SPOCK3: variants seen among roughly 807,000 people sequenced by gnomAD.
SPOCK3 encodes the protein SPARC (osteonectin), cwcv and kazal like domains proteoglycan 3.
Under a neutral mutation model 56.6 loss-of-function variants are expected in SPOCK3, and 30 were observed. The observed-to-expected ratio is 0.53, with a 90% confidence interval of 0.40 to 0.72. The LOEUF is 0.72. Ranked by LOEUF, SPOCK3 falls within the 30% of genes least tolerant of loss-of-function variation. SPOCK3 has a pLI of 0.00. For missense variants in SPOCK3, 527 were observed against 530.0 expected (o/e 0.99, Z 0.06); for synonymous variants, 196 against 183.3 (o/e 1.07, Z -0.56).
intron 4 of SPOCK3, among the ~76,000 whole-genome samples, chr4:166,934,919 G>GAA (rs111742345): frequency 1.6e-4 from 24 of 146,990 alleles, no homozygotes; most frequent in African/African-American, 3.7e-4. Context: ...TTTGAGAAAA[G>GAA]AAAAAAAAAA....
chr4:167,087,635 A>G (rs1758319416), intron 2 of SPOCK3, among the ~76,000 whole-genome samples: 1 of 152,140 alleles, frequency 6.6e-6, no homozygotes, highest in Non-Finnish European at 1.5e-5. Flanking sequence ...GATGGTGAGT[A>G]CATGCTATCT....
intron 2 of SPOCK3, among the ~76,000 whole-genome samples, chr4:167,204,466 C>T (rs1733832432): frequency 1.3e-5 from 2 of 152,044 alleles, no homozygotes; most frequent in South Asian, 4.1e-4. Flanking sequence ...AGAATGAGTG[C>T]CACCAGGGGA....
At chr4:167,089,211 T>C (rs1355241823) in intron 2 of SPOCK3, among the ~76,000 whole-genome samples, 15 of 152,052 alleles carry the variant, frequency 9.9e-5, no homozygotes, top group Admixed American at 8.5e-4. Flanking sequence ...AATACAACTG[T>C]TAATAAAAAA....
intron 6 of SPOCK3, among the ~76,000 whole-genome samples, chr4:166,839,439 C>A (rs987919724): frequency 6.6e-6 from 1 of 152,068 alleles, no homozygotes; most frequent in African/African-American, 2.4e-5. Context: ...TCCTCTTATA[C>A]CACTCTGTTT....
chr4:167,139,539 T>C (rs1763368937), intron 2 of SPOCK3, among the ~76,000 whole-genome samples: 1 of 151,980 alleles, frequency 6.6e-6, no homozygotes, highest in Non-Finnish European at 1.5e-5. Flanking sequence ...TAATAATTAA[T>C]AGTCAATTTC....
chr4:167,065,685 CA>C (rs907454738), intron 2 of SPOCK3, among the ~76,000 whole-genome samples: 1 of 151,138 alleles, frequency 6.6e-6, no homozygotes, highest in Non-Finnish European at 1.5e-5. Context: ...AACAAACAAA[CA>C]AAAAAACAAA....
At chr4:166,863,948 A>T (rs1356436780) in intron 6 of SPOCK3, among the ~76,000 whole-genome samples, 1 of 152,154 alleles carries the variant, frequency 6.6e-6, no homozygotes, top group Non-Finnish European at 1.5e-5. Context: ...ATAGATATCT[A>T]CAGAACTCTC....
At chr4:166,840,882 C>T (rs1391867617) in intron 6 of SPOCK3, among the ~76,000 whole-genome samples, 3 of 146,928 alleles carry the variant, frequency 2.0e-5, no homozygotes, top group Middle Eastern at 3.6e-3. Flanking sequence ...GGGTTCATGC[C>T]ATTCTCCTAC....
At chr4:166,971,734 C>T (rs1346376) in intron 4 of SPOCK3, among the ~76,000 whole-genome samples, 20,253 of 151,842 alleles carry the variant, frequency 0.13, 1,409 homozygotes, top group East Asian at 0.17. Context: ...TAATGCATTC[C>T]CTACGTATGT....
chr4:167,175,757 C>T (rs1730931034), intron 2 of SPOCK3, among the ~76,000 whole-genome samples: 1 of 152,084 alleles, frequency 6.6e-6, no homozygotes, highest in Non-Finnish European at 1.5e-5. Flanking sequence ...ACACCTTGAT[C>T]TTGGACTTCT....
intron 7 of SPOCK3, among the ~76,000 whole-genome samples, chr4:166,785,928 G>A (rs945785667): frequency 1.3e-5 from 2 of 152,138 alleles, no homozygotes; most frequent in Non-Finnish European, 2.9e-5. Context: ...CCTACCATAT[G>A]CCAAGGCCTT....
chr4:167,082,552 G>A (rs903296633), intron 2 of SPOCK3, among the ~76,000 whole-genome samples: 2 of 152,012 alleles, frequency 1.3e-5, no homozygotes, highest in East Asian at 1.9e-4. Flanking sequence ...AAGGACATAC[G>A]AGCAGGCAAT....
chr4:167,103,787 A>T (rs1027521056), intron 2 of SPOCK3, among the ~76,000 whole-genome samples: 3 of 152,014 alleles, frequency 2.0e-5, no homozygotes, highest in African/African-American at 7.3e-5. Flanking sequence ...CTTTGGTGAG[A>T]CTCAGTGCTG....
chr4:167,066,290 T>C (rs2150255136), intron 2 of SPOCK3, among the ~76,000 whole-genome samples: 3 of 151,960 alleles, frequency 2.0e-5, no homozygotes, highest in Admixed American at 2.0e-4. Flanking sequence ...GTAGGGAGAC[T>C]ATTGTGTGCA....
intron 7 of SPOCK3, among the ~76,000 whole-genome samples, chr4:166,774,531 G>A (rs1739314504): frequency 2.0e-5 from 3 of 152,296 alleles, no homozygotes; most frequent in Middle Eastern, 6.8e-3. Context: ...ATCTCGGGCA[G>A]AATGTACATT....
At chr4:166,834,797 TTCTC>T (rs1224620661) in intron 6 of SPOCK3, among the ~76,000 whole-genome samples, 2 of 152,058 alleles carry the variant, frequency 1.3e-5, no homozygotes, top group Non-Finnish European at 2.9e-5. Context: ...AGTAATGTTT[TTCTC>T]TCTCTCTTTC....
chr4:167,159,122 G>C (rs1427264508), intron 2 of SPOCK3, among the ~76,000 whole-genome samples: 1 of 151,896 alleles, frequency 6.6e-6, no homozygotes, highest in Non-Finnish European at 1.5e-5. Context: ...TTTATAATCT[G>C]AGGTAAGTTG....
At chr4:166,901,905 C>T (rs976709631) in intron 5 of SPOCK3, among the ~76,000 whole-genome samples, 3 of 151,988 alleles carry the variant, frequency 2.0e-5, no homozygotes, top group African/African-American at 7.2e-5. Context: ...ATAAATTGAA[C>T]AGATTTGGTT....
chr4:166,825,654 A>G (rs1235583412), intron 6 of SPOCK3, among the ~76,000 whole-genome samples: 3 of 152,056 alleles, frequency 2.0e-5, no homozygotes, highest in Non-Finnish European at 4.4e-5. Context: ...CTTCAACCAA[A>G]GTGGTATATT....
Sources: gnomAD v4.1 joint callset for allele counts (sites outside exome capture counted in the v4.1 genomes callset) on GRCh38, gnomAD v4.1.1 for gene constraint, MANE v1.5 for transcripts, NCBI Gene and HGNC (gene_info 2026-07-23, HGNC 2026-07-21) for gene names.